Variants in NFASC observed in about 807,000 individuals in gnomAD.
NFASC encodes neurofascin.
Under a neutral mutation model 147.5 loss-of-function variants are expected in NFASC, and 43 were observed. That is an observed-to-expected ratio of 0.29 (90% CI 0.23 to 0.38). The LOEUF is 0.38. NFASC is among the 10% of genes least tolerant of loss of function. The pLI is 1.00. For missense variants in NFASC, 1,320 were observed against 1,689.0 expected, an observed-to-expected ratio of 0.78 and a Z score of 3.83; for synonymous variants, 622 against 665.5, an observed-to-expected ratio of 0.93 and a Z score of 1.01.
chr1:204,839,127 T>C (rs1674557016), intron 1 of NFASC, among the ~76,000 whole-genome samples: 2 of 152,230 alleles, frequency 1.3e-5, no homozygotes, highest in Admixed American at 1.3e-4. Context: ...TCTTGTTTTC[T>C]CCAATAGAAT....
intron 1 of NFASC, among the ~76,000 whole-genome samples, chr1:204,906,912 T>A (rs992219612): frequency 6.6e-6 from 1 of 152,176 alleles, no homozygotes; most frequent in East Asian, 1.9e-4. Flanking sequence ...CTGCATCTCC[T>A]GACCTTGTGA....
intron 27 of NFASC, among the ~76,000 whole-genome samples, chr1:205,007,539 T>C (rs1266559634): frequency 4.0e-5 from 6 of 151,652 alleles, no homozygotes; most frequent in Non-Finnish European, 8.8e-5. Context: ...TAGATAATGA[T>C]AGATCTATAT....
Position 204,898,263 on chromosome 1 carries a change from T to C in NFASC, c.-199-22369T>C, listed in dbSNP as rs1056718620. ...AGCTGATAAAATTTTGAATGCAGTT[T>C]TGTATTATTTAGGATTTGAAGAACC... On this transcript the variant is annotated intron_variant, in intron 1 of 29. Transcript: ENST00000339876. 3.3e-5 allele frequency among the ~76,000 whole-genome samples: 5 copies of C among 152,338 alleles called. No individual in the cohort carries two copies. In the South Asian group the frequency reaches 6.2e-4, roughly 19 times the overall value.
At chr1:204,829,078 CCT>C (rs1671453493) in intron 1 of NFASC, among the ~76,000 whole-genome samples, 1 of 131,742 alleles carries the variant, frequency 7.6e-6, no homozygotes. Flanking sequence ...CTTTCCCTTT[CCT>C]CTCTGTCCCC....
chr1:205,013,984 G>GC (rs1028459615), intron 29 of NFASC, among the ~76,000 whole-genome samples: 4 of 152,198 alleles, frequency 2.6e-5, no homozygotes, highest in African/African-American at 9.7e-5. Context: ...AGGCACAAGA[G>GC]CCCCCTTCCC....
Position 205,015,555 on chromosome 1 carries a change from T to C in NFASC, c.3492-753T>C, listed in dbSNP as rs1302269425. Reference sequence around the variant, plus strand: ...TACTCGGCAGCCTCCCAGCTCTCCCTGCACAAGGGGAGCTTAGGGTCAGGG... The same window carrying C: ...TACTCGGCAGCCTCCCAGCTCTCCCCGCACAAGGGGAGCTTAGGGTCAGGG... On this transcript the variant is annotated intron_variant, in intron 29 of 29. Transcript: ENST00000339876. This position sits in a 1 kb window ranked among gnomAD's most constrained non-coding sequence, Gnocchi z 4.0. 6.6e-6 allele frequency among the ~76,000 whole-genome samples: 1 copy of C among 152,058 alleles called. No homozygotes were observed. The highest frequency in any genetic ancestry group is 1.5e-5 in the Non-Finnish European group (1 of 68,012).
At chr1:204,947,026 G>A in intron 3 of NFASC, 2 of 346,922 alleles carry the variant, frequency 5.8e-6, no homozygotes, top group East Asian at 1.5e-4. Flanking sequence ...ACCAGGCAGT[G>A]ATAGCCACCC....
chr1:204,906,392 A>T (rs1337434257), intron 1 of NFASC, among the ~76,000 whole-genome samples: 2 of 152,140 alleles, frequency 1.3e-5, no homozygotes, highest in Non-Finnish European at 2.9e-5. Context: ...CCAACTCTGG[A>T]TAACCACTCA....
intron 1 of NFASC, among the ~76,000 whole-genome samples, chr1:204,887,586 CTTTTTTTTTTTTTTTT>C (rs200468415): frequency 7.1e-5 from 3 of 42,374 alleles, no homozygotes; most frequent in Non-Finnish European, 1.4e-4. Flanking sequence ...GCCTGATTGG[CTTTTTTTTTTTTTTTT>C]TTTTTTTTTT....
At chr1:204,870,302 G>A (rs1043038903) in intron 1 of NFASC, among the ~76,000 whole-genome samples, 1 of 152,220 alleles carries the variant, frequency 6.6e-6, no homozygotes, top group South Asian at 2.1e-4. Context: ...AAGTGGACCA[G>A]GGGACCAAAG....
intron 1 of NFASC, among the ~76,000 whole-genome samples, chr1:204,910,245 G>C (rs920105793): frequency 6.6e-6 from 1 of 151,960 alleles, no homozygotes; most frequent in African/African-American, 2.4e-5. Context: ...GTAGATATTT[G>C]ATTTCTTTAA....
chr1:204,876,013 T>C (rs181495928), intron 1 of NFASC, among the ~76,000 whole-genome samples: 1 of 152,188 alleles, frequency 6.6e-6, no homozygotes, highest in South Asian at 2.1e-4. Context: ...TCATTTGGGA[T>C]GTATTGTCTT....
intron 13 of NFASC, 178 bp downstream of exon 13, chr1:204,974,468 C>A (rs2095349176): frequency 1.2e-6 from 1 of 831,372 alleles, no homozygotes; most frequent in South Asian, 1.5e-5. Flanking sequence ...GAAACCAAGA[C>A]CTTGAGAGGG....
chr1:204,899,403 G>A (rs570118348), intron 1 of NFASC, among the ~76,000 whole-genome samples: 1 of 136,114 alleles, frequency 7.3e-6, no homozygotes, highest in African/African-American at 3.4e-5. Context: ...GCTGAGGCCG[G>A]CAGCTGGGCA....
intron 21 of NFASC, chr1:204,985,975 C>G: frequency 6.2e-7 from 1 of 1,614,068 alleles, no homozygotes; most frequent in Non-Finnish European, 8.5e-7. Flanking sequence ...GACAGCAAGC[C>G]AGCTTCCCTG....
At chr1:204,924,243 G>A (rs2149481374) in intron 2 of NFASC, among the ~76,000 whole-genome samples, 1 of 152,318 alleles carries the variant, frequency 6.6e-6, no homozygotes, top group Admixed American at 6.5e-5. Flanking sequence ...TGCCAGGATA[G>A]CAGTTGGATC....
chr1:205,001,089 G>T, intron 25 of NFASC, 81 bp from the exon 26 acceptor site: 6 of 800,792 alleles, frequency 7.5e-6, no homozygotes, highest in Admixed American at 2.0e-5. Flanking sequence ...GCATGCACAC[G>T]CTTGTGTGTA....
intron 2 of NFASC, among the ~76,000 whole-genome samples, chr1:204,936,950 A>G (rs2092903436): frequency 2.0e-5 from 3 of 152,138 alleles, no homozygotes; most frequent in South Asian, 2.1e-4. Context: ...AGTTTCTTGC[A>G]TGGGGCAATG....
chr1:204,876,166 A>G (rs985324174), intron 1 of NFASC, among the ~76,000 whole-genome samples: 21 of 152,116 alleles, frequency 1.4e-4, no homozygotes, highest in African/African-American at 4.6e-4. Context: ...TATAATTTAC[A>G]CTCAATAAAA....
Sources: allele counts gnomAD v4.1 joint callset (sites outside exome capture counted in the v4.1 genomes callset), GRCh38; gene constraint gnomAD v4.1.1; non-coding constraint Gnocchi (gnomAD v3.1); transcripts MANE v1.5; gene names NCBI Gene and HGNC (gene_info 2026-07-23, HGNC 2026-07-21).